The following HOOK3 variants were observed in gnomAD, a reference collection of about 807,000 sequenced individuals.
HOOK3 encodes protein Hook homolog 3.
HOOK3 carries 24 observed loss-of-function variants against 116.3 expected under a neutral mutation model. The ratio of observed to expected loss-of-function variants is 0.21; its 90% confidence interval spans 0.15 to 0.29. HOOK3 has a LOEUF of 0.29. Ranked by LOEUF, HOOK3 falls within the 10% of genes least tolerant of loss-of-function variation. HOOK3 has a pLI of 1.00. For missense variants in HOOK3, 632 were observed against 830.2 expected, an observed-to-expected ratio of 0.76 and a Z score of 2.93; for synonymous variants, 275 against 283.0, an observed-to-expected ratio of 0.97 and a Z score of 0.28.
chr8:42,963,639 T>C (rs1808577158), intron 8 of HOOK3, among the ~76,000 whole-genome samples: 1 of 152,224 alleles, frequency 6.6e-6, no homozygotes, highest in South Asian at 2.1e-4. Flanking sequence ...TCACCACAAG[T>C]TTCTTTGCCA....
In HOOK3 at chr8:43,014,317, G is replaced by T. The variant is rs1800145180; in HGVS notation, c.2016+917G>T. ...AAAAAAAAAAAAAAAAGTTGTCCAA[G>T]ACAAGAAATGGGACCAGATTCCATT... On this transcript the variant is annotated intron_variant, in intron 21 of 21. Coordinates refer to ENST00000307602, the MANE Select transcript of HOOK3 (RefSeq NM_032410.4). Among the ~76,000 whole-genome samples the T allele has an allele frequency of 3.4e-5, 5 of 145,512 alleles. No homozygotes were observed. The South Asian group carries it at 8.6e-4, about 25-fold the overall frequency.
chr8:42,947,292 A>C (rs1015812485), intron 5 of HOOK3, among the ~76,000 whole-genome samples: 1 of 152,204 alleles, frequency 6.6e-6, no homozygotes, highest in Admixed American at 6.5e-5. Context: ...AAGTTGATTG[A>C]TATCAGATAA....
chr8:42,953,908 G>A (rs1440683107), intron 6 of HOOK3, among the ~76,000 whole-genome samples: 2 of 152,158 alleles, frequency 1.3e-5, no homozygotes, highest in Non-Finnish European at 2.9e-5. Flanking sequence ...TCAGGTCTAA[G>A]CAGTGCAGAG....
rs190244753 is a variant in HOOK3, at chr8:42,920,910, G to A, written c.144-4647G>A. 4.3e-4 allele frequency among the ~76,000 whole-genome samples: 65 copies of A among 152,288 alleles called. 1 individual carries two copies. Among genetic ancestry groups the A allele is most frequent in the South Asian group, 1.9e-3 (9 of 4,830 alleles). Reference sequence around the variant, plus strand: ...CTGATATAATACAGATGTTACTGGTGTCATACATGGTGTATATGATAGTAG... The same window carrying A: ...CTGATATAATACAGATGTTACTGGTATCATACATGGTGTATATGATAGTAG... On this transcript the variant is annotated intron_variant, in intron 2 of 21. Transcript: ENST00000307602.
chr8:42,910,395 G>A (rs951167166), intron 2 of HOOK3, among the ~76,000 whole-genome samples: 2 of 151,990 alleles, frequency 1.3e-5, no homozygotes, highest in Non-Finnish European at 2.9e-5. Context: ...ACACACAGAA[G>A]AGCATTCTAC....
intron 6 of HOOK3, 25 bp downstream of exon 6, chr8:42,950,480 GT>G: frequency 6.5e-7 from 1 of 1,535,912 alleles, no homozygotes; most frequent in Non-Finnish European, 9.0e-7. Context: ...CATGCTTATA[GT>G]TTATGAAAAA....
At chr8:42,995,158 C>G (rs1809241077) in intron 15 of HOOK3, among the ~76,000 whole-genome samples, 1 of 152,102 alleles carries the variant, frequency 6.6e-6, no homozygotes, top group African/African-American at 2.4e-5. Flanking sequence ...TTACTGTGAT[C>G]CTTTCTAAAT....
intron 2 of HOOK3, among the ~76,000 whole-genome samples, chr8:42,910,165 A>C (rs1370923787): frequency 3.3e-5 from 5 of 152,252 alleles, no homozygotes; most frequent in African/African-American, 1.2e-4. Context: ...CGATATCATA[A>C]CATCAGTTTT....
chr8:42,967,072 A>T (rs1309071873), intron 10 of HOOK3, among the ~76,000 whole-genome samples: 1 of 151,926 alleles, frequency 6.6e-6, no homozygotes, highest in Non-Finnish European at 1.5e-5. Context: ...TCTGTTGATT[A>T]TCTCAACCAT....
At chr8:42,901,196 A>G (rs902082497) in intron 1 of HOOK3, among the ~76,000 whole-genome samples, 7 of 152,142 alleles carry the variant, frequency 4.6e-5, no homozygotes, top group African/African-American at 1.7e-4. Context: ...TACTCTTCTC[A>G]TGCTTTTGTT....
At chr8:42,968,320 C>A in intron 11 of HOOK3, 106 bp downstream of exon 11, 1 of 778,002 alleles carries the variant, frequency 1.3e-6, no homozygotes, top group Non-Finnish European at 2.1e-6. Context: ...TGTTTTTTAC[C>A]TTTTCTTTAT....
chr8:42,916,948 G>T (rs1807544900), intron 2 of HOOK3, among the ~76,000 whole-genome samples: 1 of 152,148 alleles, frequency 6.6e-6, no homozygotes, highest in Admixed American at 6.5e-5. Flanking sequence ...TGGGTTGACA[G>T]TACAGACCCC....
intron 4 of HOOK3, among the ~76,000 whole-genome samples, chr8:42,934,282 C>A (rs1022484829): frequency 6.6e-6 from 1 of 152,024 alleles, no homozygotes; most frequent in African/African-American, 2.4e-5. Flanking sequence ...TTTTAATTTG[C>A]AAGAGCGCTT....
At chr8:42,957,248 A>T in intron 7 of HOOK3, 92 bp downstream of exon 7, 1 of 612,388 alleles carries the variant, frequency 1.6e-6, no homozygotes, top group Non-Finnish European at 2.7e-6. Flanking sequence ...ATTGCTTTTT[A>T]TTATATTGGT....
chr8:42,936,414 T>G (rs369937251), intron 4 of HOOK3, among the ~76,000 whole-genome samples: 1 of 152,342 alleles, frequency 6.6e-6, no homozygotes, highest in African/African-American at 2.4e-5. Flanking sequence ...TGGCCAGAAC[T>G]TCCAATACTA....
At chr8:42,980,850 C>T (rs1808926077) in intron 13 of HOOK3, among the ~76,000 whole-genome samples, 1 of 151,888 alleles carries the variant, frequency 6.6e-6, no homozygotes. Context: ...CGCCACTGCA[C>T]TCCAGCCTGG....
intron 15 of HOOK3, among the ~76,000 whole-genome samples, chr8:42,991,484 C>A (rs1229619904): frequency 6.6e-6 from 1 of 150,790 alleles, no homozygotes; most frequent in Non-Finnish European, 1.5e-5. Flanking sequence ...CTCATTGCAA[C>A]CTCCACCTCC....
chr8:42,975,717 A>G (rs1808809424), intron 13 of HOOK3, among the ~76,000 whole-genome samples: 1 of 152,312 alleles, frequency 6.6e-6, no homozygotes, highest in Admixed American at 6.5e-5. Context: ...AGATAGATAC[A>G]TATGTTGAGA....
chr8:42,968,269 A>C (rs958247491), intron 11 of HOOK3, 55 bp downstream of exon 11: 5 of 1,236,610 alleles, frequency 4.0e-6, no homozygotes, highest in Admixed American at 2.1e-5. Context: ...CAGTTATGAC[A>C]TGTAGCTTAC....
Sources: gnomAD v4.1 joint callset for allele counts (sites outside exome capture counted in the v4.1 genomes callset) on GRCh38, gnomAD v4.1.1 for gene constraint, MANE v1.5 for transcripts, NCBI Gene and HGNC (gene_info 2026-07-23, HGNC 2026-07-21) for gene names.